Variants in HSPG2 observed in about 807,000 individuals in gnomAD.
The protein encoded by HSPG2 is basement membrane-specific heparan sulfate proteoglycan core protein.
Under a neutral mutation model 526.6 loss-of-function variants are expected in HSPG2, and 278 were observed. That is an observed-to-expected ratio of 0.53 (90% CI 0.48 to 0.58). The LOEUF (loss-of-function observed/expected upper bound fraction) is 0.58. HSPG2 is among the 20% of genes least tolerant of loss of function. The probability of loss-of-function intolerance (pLI) is 0.00; values close to 1 mark genes in which losing one functional copy is unlikely to be tolerated. For missense variants in HSPG2, 5,354 were observed against 6,099.5 expected, an observed-to-expected ratio of 0.88 and a Z score of 4.07; for synonymous variants, 2,465 against 2,555.4, an observed-to-expected ratio of 0.96 and a Z score of 1.07.
intron 1 of HSPG2, among the ~76,000 whole-genome samples, chr1:21,936,418 T>A (rs1298761601): frequency 6.6e-6 from 1 of 152,160 alleles, no homozygotes; most frequent in East Asian, 1.9e-4. Context: ...AAGGGTGCAC[T>A]GCATCCCCGC....
intron 1 of HSPG2, among the ~76,000 whole-genome samples, chr1:21,931,435 G>C (rs1468145256): frequency 6.6e-6 from 1 of 152,232 alleles, no homozygotes; most frequent in Non-Finnish European, 1.5e-5. Context: ...GGGACCCTCG[G>C]CGCAGCCTCC....
intron 1 of HSPG2, among the ~76,000 whole-genome samples, chr1:21,924,603 G>C (rs1041963964): frequency 2.0e-5 from 3 of 152,088 alleles, no homozygotes; most frequent in Admixed American, 6.5e-5. Context: ...ACTGAGGCCC[G>C]GGGAGGAGAG....
intron 39 of HSPG2, among the ~76,000 whole-genome samples, chr1:21,860,687 G>A (rs1157680688): frequency 6.6e-6 from 1 of 152,024 alleles, no homozygotes; most frequent in Non-Finnish European, 1.5e-5. Flanking sequence ...GAGGCAGGAT[G>A]TGCTAGCCAG....
intron 65 of HSPG2, among the ~76,000 whole-genome samples, chr1:21,843,845 G>A (rs1020143406): frequency 2.0e-5 from 3 of 152,034 alleles, no homozygotes; most frequent in East Asian, 1.9e-4. Flanking sequence ...CATGTTGGCC[G>A]GGCTGGCTTT....
intron 21 of HSPG2, 66 bp downstream of exon 21, chr1:21,878,120 T>A: frequency 6.9e-7 from 1 of 1,449,140 alleles, no homozygotes; most frequent in Non-Finnish European, 9.6e-7. Flanking sequence ...GGAGCTTCCT[T>A]CTTCCTCCTC....
chr1:21,872,902 C>A lies in HSPG2; in HGVS notation c.3888+95G>T. On this transcript the variant is annotated intron_variant, in intron 31 of 96. Transcript: ENST00000374695. The surrounding 1 kb of genome is among the most constrained non-coding windows in gnomAD (Gnocchi z 5.5). The stretch of plus-strand genomic sequence containing the variant: ...TCCCCCATGCCCTGCCCCCCATGCC[C>A]AGGTCTCGGCTTCCACCAGATGCTG... 6.5e-7 allele frequency: 1 copy of A among 1,539,740 alleles called. No homozygotes were observed. Among genetic ancestry groups the A allele is most frequent in the Non-Finnish European group, 9.0e-7 (1 of 1,113,366 alleles).
chr1:21,874,302 A>T, intron 28 of HSPG2, 104 bp downstream of exon 28: 1 of 1,476,792 alleles, frequency 6.8e-7, no homozygotes, highest in Non-Finnish European at 9.3e-7. Context: ...CAGTAAGGCC[A>T]GGATTTAACC....
At chr1:21,885,563 C>T in intron 9 of HSPG2, 112 bp from the exon 10 acceptor site, 1 of 1,246,226 alleles carries the variant, frequency 8.0e-7, no homozygotes, top group Non-Finnish European at 1.1e-6. Flanking sequence ...CCTCGCCATG[C>T]CTAGCCCCTG....
intron 1 of HSPG2, among the ~76,000 whole-genome samples, chr1:21,906,478 A>G (rs1480053167): frequency 6.6e-6 from 1 of 152,168 alleles, no homozygotes; most frequent in Non-Finnish European, 1.5e-5. Flanking sequence ...GTAAGGAAGA[A>G]GAGGAAGGGG....
chr1:21,856,847 C>T (rs369679449), intron 44 of HSPG2, among the ~76,000 whole-genome samples, 168 bp downstream of exon 44: 6 of 152,304 alleles, frequency 3.9e-5, no homozygotes, highest in South Asian at 4.2e-4. Context: ...TCAGGAGGAC[C>T]GAGATACTGT....
rs778185997 is a variant in HSPG2, at chr1:21,872,272, C to T, written c.4135G>A (p.Gly1379Ser). The T allele has an allele frequency of 9.2e-5, 144 of 1,558,028 alleles. No homozygotes were observed. The highest frequency in any genetic ancestry group is 4.7e-5 in the South Asian group (4 of 84,410). ...GEFTVEPVPE[G>S]AQLSFGNFAQ... ...AAGTTGCCAAAAGAGAGCTGGGCAC[C>T]CTCGGGCACGGGTTCCACAGTGAAT... Residue 1379 changes from glycine (G) to serine (S), a missense_variant, in exon 33 of 97, where the codon GGT becomes AGT. Transcript: ENST00000374695. This position sits in a 1 kb window ranked among gnomAD's most constrained non-coding sequence, Gnocchi z 5.5.
intron 1 of HSPG2, among the ~76,000 whole-genome samples, chr1:21,915,600 G>A (rs1035095921): frequency 6.6e-6 from 1 of 152,134 alleles, no homozygotes; most frequent in African/African-American, 2.4e-5. Flanking sequence ...AGGGAACCAG[G>A]GATAATGACC....
At chr1:21,844,973 C>T (rs115963344) in intron 64 of HSPG2, among the ~76,000 whole-genome samples, 6,174 of 152,268 alleles carry the variant, frequency 0.041, 180 homozygotes, top group South Asian at 0.11. Flanking sequence ...ACACACTGGG[C>T]GCGGTGGCTC....
chr1:21,896,401 C>A, intron 1 of HSPG2, 91 bp from the exon 2 acceptor site: 4 of 1,490,826 alleles, frequency 2.7e-6, no homozygotes, highest in Non-Finnish European at 3.7e-6. Flanking sequence ...GACCCAGAAT[C>A]CCACCTTCAG....
intron 1 of HSPG2, among the ~76,000 whole-genome samples, chr1:21,927,431 G>A (rs1450025024): frequency 6.6e-6 from 1 of 152,024 alleles, no homozygotes; most frequent in Admixed American, 6.6e-5. Context: ...ACCAAGTAAG[G>A]ACCAACTGCA....
In HSPG2 at chr1:21,873,359, C is replaced by T. The variant is rs1243023573; in HGVS notation, c.3793+16G>A. On this transcript the variant is annotated intron_variant, in intron 30 of 96. Coordinates refer to ENST00000374695, the MANE Select transcript of HSPG2 (RefSeq NM_005529.7). ...CTGGGTAACCCGACCCCAATGACCTCCCCAATCCTACTCACTCTGGCATGG... is the reference window on the plus strand; with the variant it reads ...CTGGGTAACCCGACCCCAATGACCTTCCCAATCCTACTCACTCTGGCATGG... The T allele has an allele frequency of 2.5e-6, 4 of 1,614,132 alleles. No homozygotes were observed. Among genetic ancestry groups the T allele is most frequent in the Non-Finnish European group, 3.4e-6 (4 of 1,179,950 alleles).
chr1:21,891,877 C>T (rs1197808403), intron 3 of HSPG2, among the ~76,000 whole-genome samples: 1 of 152,214 alleles, frequency 6.6e-6, no homozygotes, highest in Non-Finnish European at 1.5e-5. Context: ...TCCCAAAGTA[C>T]ATCTATCGTT....
At position 21,888,778 on chromosome 1, in the gene HSPG2, A is replaced by G; in HGVS notation, c.575-712T>C. 3.2e-6 allele frequency: 4 copies of G among 1,234,352 alleles called. No homozygotes were observed. The South Asian group carries it at 5.0e-5, about 15-fold the overall frequency. 76.5% of individuals were successfully genotyped at this position (1,234,352 alleles called of 1,614,324 possible). A position where few individuals can be genotyped will look rare whatever the true frequency, so the allele number is the denominator to read the frequency against. ...CTGGGAGCCGGGAGCTGAGGGCTGC[A>G]GGGCTGGGCCACATTCCACCATCCC... On this transcript the variant is annotated intron_variant, in intron 6 of 96. Coordinates refer to ENST00000374695, the MANE Select transcript of HSPG2 (RefSeq NM_005529.7).
Position 21,872,971 on chromosome 1 carries a change from C to T in HSPG2, c.3888+26G>A, listed in dbSNP as rs1463283247. The T allele has an allele frequency of 1.1e-5, 17 of 1,603,428 alleles. No homozygotes were observed. Among genetic ancestry groups the T allele is most frequent in the Non-Finnish European group, 1.4e-5 (16 of 1,171,476 alleles). On this transcript the variant is annotated intron_variant, in intron 31 of 96. Transcript: ENST00000374695. The surrounding 1 kb of genome is among the most constrained non-coding windows in gnomAD (Gnocchi z 5.5). ...TCTGGGCAGCGGGGCAGAGCAGGCC[C>T]CGCAGGGACAGGGATTCGGACTGAC...
Sources: gnomAD v4.1 joint callset for allele counts (sites outside exome capture counted in the v4.1 genomes callset) on GRCh38, gnomAD v4.1.1 for gene constraint, Gnocchi (gnomAD v3.1) non-coding constraint, MANE v1.5 for transcripts, NCBI Gene and HGNC (gene_info 2026-07-23, HGNC 2026-07-21) for gene names.